The following TMC5 variants were observed in gnomAD, a reference collection of about 807,000 sequenced individuals.
TMC5 encodes transmembrane channel like 5.
Under a neutral mutation model 110.5 loss-of-function variants are expected in TMC5, and 86 were observed. That is an observed-to-expected ratio of 0.78 (90% CI 0.65 to 0.93). The LOEUF is 0.93. Among genes scored for constraint, TMC5 ranks in the 40% least tolerant of loss-of-function variants. TMC5 has a pLI of 0.00. For missense variants in TMC5, 1,144 were observed against 1,222.8 expected, an observed-to-expected ratio of 0.94 and a Z score of 0.96; for synonymous variants, 455 against 439.5, an observed-to-expected ratio of 1.04 and a Z score of -0.44.
Position 19,440,483 on chromosome 16 carries a change from T to G in TMC5, c.445T>G (p.Ser149Ala). 6.2e-7 allele frequency: 1 copy of G among 1,614,124 alleles called. No homozygotes were observed. Among genetic ancestry groups the G allele is most frequent in the East Asian group, 2.2e-5 (1 of 44,878 alleles). Residue 149 changes from serine to alanine, a missense_variant, in exon 3 of 22, where the codon TCC (serine) becomes GCC (alanine). Ser to Ala is a moderately conservative substitution (Grantham distance 99). Transcript: ENST00000542583. ...GSSSSGNYAG[S>A]RTHPDHFGSL... ...CAGCAGCAGTGGAAACTATGCAGGC[T>G]CCAGAACACATCCAGATCATTTTGG...
At chr16:19,435,006 T>C (rs1442847708) in intron 2 of TMC5, among the ~76,000 whole-genome samples, 1 of 152,188 alleles carries the variant, frequency 6.6e-6, no homozygotes, top group African/African-American at 2.4e-5. Context: ...AGGTAACGTA[T>C]ATTCACCTAG....
At chr16:19,496,613 G>A (rs756123283) in intron 20 of TMC5, among the ~76,000 whole-genome samples, 4 of 151,946 alleles carry the variant, frequency 2.6e-5, no homozygotes, top group South Asian at 2.1e-4. Context: ...GGCCAGGTGC[G>A]GTGGCTCACG....
intron 19 of TMC5, among the ~76,000 whole-genome samples, chr16:19,492,915 G>GATAGATATATAT (rs58561457): frequency 7.5e-4 from 32 of 42,782 alleles, no homozygotes; most frequent in African/African-American, 1.4e-3. Context: ...TTAAAACTTA[G>GATAGATATATAT]ATATATATAT....
intron 1 of TMC5, among the ~76,000 whole-genome samples, chr16:19,419,741 T>C (rs751680731): frequency 5.9e-5 from 9 of 152,240 alleles, no homozygotes. Context: ...TTTATTGTCA[T>C]ACTTTGCCAG....
intron 2 of TMC5, among the ~76,000 whole-genome samples, chr16:19,434,360 T>C (rs931704870): frequency 4.0e-5 from 4 of 101,088 alleles, no homozygotes; most frequent in African/African-American, 1.6e-4. Flanking sequence ...ATCTATATTA[T>C]ATATATAATA....
At chr16:19,448,561 G>C (rs1331076000) in intron 4 of TMC5, among the ~76,000 whole-genome samples, 1 of 151,630 alleles carries the variant, frequency 6.6e-6, no homozygotes, top group Non-Finnish European at 1.5e-5. Flanking sequence ...CAAAGCTGCA[G>C]TGAGCTGAAA....
rs374684013 is a variant in TMC5, at chr16:19,463,388, C to T, written c.1236+21C>T. On this transcript the variant is annotated intron_variant, in intron 7 of 21. Transcript: ENST00000542583. ...CCCGGGTAAGTCAGTAAAACAGGCA[C>T]AGCAAGAGGGTGAAAACAGGGAGGG... 23 of 1,569,642 alleles carry T rather than the reference C, an allele frequency of 1.5e-5. No individual in the cohort carries two copies. The African/African-American group carries it at 1.8e-4, about 12-fold the overall frequency.
chr16:19,484,862 CTT>C (rs963729759), intron 15 of TMC5, among the ~76,000 whole-genome samples: 1 of 143,710 alleles, frequency 7.0e-6, no homozygotes, highest in Admixed American at 7.0e-5. Context: ...AAAAACACAT[CTT>C]TTTTTTTTTT....
chr16:19,473,449 G>A (rs1255857671), intron 11 of TMC5, among the ~76,000 whole-genome samples: 3 of 150,532 alleles, frequency 2.0e-5, no homozygotes, highest in African/African-American at 7.4e-5. Flanking sequence ...GTGAAGCCTG[G>A]TGAAAATGAA....
At chr16:19,494,510 T>A in intron 20 of TMC5, 144 bp downstream of exon 20, 1 of 592,958 alleles carries the variant, frequency 1.7e-6, no homozygotes, top group Non-Finnish European at 3.0e-6. Flanking sequence ...GGTTTTTACT[T>A]AAAAAGTAAT....
intron 4 of TMC5, among the ~76,000 whole-genome samples, chr16:19,445,349 C>T (rs1967590762): frequency 6.6e-6 from 1 of 151,798 alleles, no homozygotes; most frequent in Admixed American, 6.6e-5. Flanking sequence ...CTCAAGCAAT[C>T]CTCCCACCTC....
chr16:19,433,706 T>G (rs1199164617), intron 2 of TMC5, among the ~76,000 whole-genome samples: 3 of 152,140 alleles, frequency 2.0e-5, no homozygotes, highest in Non-Finnish European at 4.4e-5. Flanking sequence ...CCTTTTAGTC[T>G]TGGCTAATAA....
At chr16:19,494,175 G>T in intron 19 of TMC5, 87 bp from the exon 20 acceptor site, 1 of 1,060,534 alleles carries the variant, frequency 9.4e-7, no homozygotes. Flanking sequence ...GAAAACCGAC[G>T]TTCTTCCCAT....
At chr16:19,481,575 A>T in intron 15 of TMC5, 110 bp downstream of exon 15, 1 of 789,666 alleles carries the variant, frequency 1.3e-6, no homozygotes, top group Non-Finnish European at 2.2e-6. Flanking sequence ...CAGGGGTGAT[A>T]ACCCATCCAG....
At chr16:19,428,712 A>G (rs1967135821) in intron 1 of TMC5, among the ~76,000 whole-genome samples, 1 of 152,246 alleles carries the variant, frequency 6.6e-6, no homozygotes, top group South Asian at 2.1e-4. Flanking sequence ...TTTCCTTGAG[A>G]ATTGAATAAA....
At chr16:19,453,951 C>T (rs929143605) in intron 5 of TMC5, among the ~76,000 whole-genome samples, 6 of 152,154 alleles carry the variant, frequency 3.9e-5, no homozygotes, top group African/African-American at 7.2e-5. Flanking sequence ...TTCCTGGGCT[C>T]AAGCAATCCT....
chr16:19,459,091 C>G (rs1408699049), intron 5 of TMC5, among the ~76,000 whole-genome samples: 1 of 150,042 alleles, frequency 6.7e-6, no homozygotes, highest in Non-Finnish European at 1.5e-5. Context: ...AGAAATTTCT[C>G]AGCACACACC....
Position 19,431,843 on chromosome 16 carries a change from T to C in TMC5, c.-80+1203T>C, listed in dbSNP as rs145578459. On this transcript the variant is annotated intron_variant, in intron 2 of 21. Coordinates refer to ENST00000542583, the MANE Select transcript of TMC5 (RefSeq NM_001261841.2). ...GCTGGCCATCTTCTGCTGGCACCTGTAGATCTAAAGCATTCTTTGTGACGG... is the reference window on the plus strand; with the variant it reads ...GCTGGCCATCTTCTGCTGGCACCTGCAGATCTAAAGCATTCTTTGTGACGG... 1.6e-3 allele frequency among the ~76,000 whole-genome samples: 238 copies of C among 152,284 alleles called. 1 individual carries two copies. Among genetic ancestry groups the C allele is most frequent in the Middle Eastern group, 0.014 (4 of 294 alleles).
intron 9 of TMC5, among the ~76,000 whole-genome samples, chr16:19,467,159 G>C (rs181196383): frequency 6.7e-6 from 1 of 150,324 alleles, no homozygotes; most frequent in Admixed American, 6.6e-5. Flanking sequence ...AAAAGAGAGA[G>C]AAAGAAAGAA....
Sources: allele counts gnomAD v4.1 joint callset (sites outside exome capture counted in the v4.1 genomes callset), GRCh38; gene constraint gnomAD v4.1.1; transcripts MANE v1.5; gene names NCBI Gene and HGNC (gene_info 2026-07-23, HGNC 2026-07-21).